The following XRCC4 variants were observed in gnomAD, a reference collection of about 807,000 sequenced individuals.
XRCC4 encodes the protein DNA repair protein XRCC4.
In XRCC4, 28 loss-of-function variants were observed where a neutral mutation model predicts 39.1. That is an observed-to-expected ratio of 0.72 (90% CI 0.53 to 0.98). The LOEUF is 0.98. XRCC4 is among the 50% of genes least tolerant of loss of function. XRCC4 has a pLI of 0.00. For missense variants in XRCC4, 350 were observed against 376.4 expected (o/e 0.93, Z 0.58); for synonymous variants, 123 against 126.4 (o/e 0.97, Z 0.18).
rs534630077 is a variant in XRCC4 at position 83,137,545 on chromosome 5, C to T, written c.315+26342C>T. On this transcript the variant is annotated intron_variant, in intron 3 of 7. Coordinates refer to ENST00000396027, the MANE Select transcript of XRCC4 (RefSeq NM_003401.5). The stretch of plus-strand genomic sequence containing the variant: ...AGAATCATATTGTGCATCTGTAACC[C>T]GTTCTTGGCATGTTATTGTCCACTG... 3.9e-5 allele frequency among the ~76,000 whole-genome samples: 6 copies of T among 152,206 alleles called. No homozygotes were observed. The East Asian group carries it at 9.6e-4, about 24-fold the overall frequency.
chr5:83,271,422 G>T (rs1754142029), intron 7 of XRCC4, among the ~76,000 whole-genome samples: 1 of 151,860 alleles, frequency 6.6e-6, no homozygotes, highest in Non-Finnish European at 1.5e-5. Flanking sequence ...GTTTTATTTT[G>T]TCTACTTGTT....
intron 3 of XRCC4, among the ~76,000 whole-genome samples, chr5:83,162,198 T>A (rs1749249941): frequency 6.6e-6 from 1 of 152,114 alleles, no homozygotes; most frequent in Non-Finnish European, 1.5e-5. Flanking sequence ...TTTTAAAAAA[T>A]AAAATAAAAT....
intron 7 of XRCC4, among the ~76,000 whole-genome samples, chr5:83,342,767 G>A (rs570954551): frequency 1.3e-5 from 2 of 152,098 alleles, no homozygotes; most frequent in South Asian, 4.2e-4. Context: ...GAAATTTGTA[G>A]GCTACTTTTC....
chr5:83,307,208 A>C (rs1423556968), intron 7 of XRCC4, among the ~76,000 whole-genome samples: 2 of 152,240 alleles, frequency 1.3e-5, no homozygotes, highest in Non-Finnish European at 2.9e-5. Flanking sequence ...TTATTAATTC[A>C]AACTAGTAAT....
rs28383122 is a variant in XRCC4, at chr5:83,078,158, C to T, written c.-11+543C>T. 5.2e-3 allele frequency among the ~76,000 whole-genome samples: 797 copies of T among 152,310 alleles called. 8 individuals carry two copies. Among genetic ancestry groups the T allele is most frequent in the African/African-American group, 0.018 (746 of 41,574 alleles). On this transcript the variant is annotated intron_variant, in intron 1 of 7. Transcript: ENST00000396027. ...TAGGTACTTTAAAGAGATCAACTGG[C>T]AAGACAAATGACAAGGCAACTTTTA... is the stretch of plus-strand genomic sequence containing the variant.
intron 7 of XRCC4, among the ~76,000 whole-genome samples, chr5:83,335,481 T>A (rs1342641710): frequency 2.0e-5 from 3 of 152,018 alleles, no homozygotes; most frequent in Non-Finnish European, 4.4e-5. Context: ...AGAGAAGATG[T>A]GTTCCTGTCA....
chr5:83,266,155 T>C (rs1355284918), intron 7 of XRCC4, among the ~76,000 whole-genome samples: 1 of 151,802 alleles, frequency 6.6e-6, no homozygotes, highest in Non-Finnish European at 1.5e-5. Context: ...TGTGTAAATA[T>C]TCACTATACA....
intron 7 of XRCC4, among the ~76,000 whole-genome samples, chr5:83,299,356 C>T (rs538430758): frequency 2.2e-4 from 33 of 152,046 alleles, no homozygotes; most frequent in East Asian, 5.8e-4. Flanking sequence ...TCTGAAGCTT[C>T]GACATGATAC....
intron 7 of XRCC4, among the ~76,000 whole-genome samples, chr5:83,290,281 T>A (rs1754875166): frequency 1.3e-5 from 2 of 151,806 alleles, no homozygotes; most frequent in Admixed American, 1.3e-4. Flanking sequence ...AATAAATTTA[T>A]TTAATCCATA....
chr5:83,255,421 TTTTCTTCA>T (rs1753501252), intron 6 of XRCC4, among the ~76,000 whole-genome samples: 1 of 152,192 alleles, frequency 6.6e-6, no homozygotes, highest in Non-Finnish European at 1.5e-5. Flanking sequence ...AGCTAGCCCT[TTTTCTTCA>T]TGCCAATTTT....
At chr5:83,363,873 C>T in the XRCC4 span, among the ~76,000 whole-genome samples, 1 of 152,164 alleles carries the variant, frequency 6.6e-6, no homozygotes, top group African/African-American at 2.4e-5. Flanking sequence ...TAATTGCTGT[C>T]ACTGTCGTCA....
chr5:83,209,534 A>G (rs1246340943), intron 6 of XRCC4, among the ~76,000 whole-genome samples: 1 of 152,126 alleles, frequency 6.6e-6, no homozygotes, highest in Non-Finnish European at 1.5e-5. Context: ...TAGTCTTAAC[A>G]TAATTCAAAA....
chr5:83,285,423 A>G (rs868364384), intron 7 of XRCC4, among the ~76,000 whole-genome samples: 2 of 152,138 alleles, frequency 1.3e-5, no homozygotes, highest in South Asian at 4.1e-4. Context: ...CAGGTAGACT[A>G]TGAGAGTTAC....
intron 3 of XRCC4, among the ~76,000 whole-genome samples, chr5:83,120,335 TACAA>T (rs1271368098): frequency 6.6e-6 from 1 of 152,182 alleles, no homozygotes; most frequent in Non-Finnish European, 1.5e-5. Flanking sequence ...AGGGATAATT[TACAA>T]ACAATTAAAT....
intron 7 of XRCC4, among the ~76,000 whole-genome samples, chr5:83,268,095 T>C (rs1449316842): frequency 6.6e-6 from 1 of 152,066 alleles, no homozygotes; most frequent in East Asian, 1.9e-4. Context: ...GCAGTGAAGA[T>C]AGGAAGATAC....
intron 6 of XRCC4, among the ~76,000 whole-genome samples, chr5:83,222,074 A>G (rs547009837): frequency 2.0e-5 from 3 of 151,462 alleles, no homozygotes; most frequent in South Asian, 4.2e-4. Context: ...TATATCTGAG[A>G]TCGGTCTTTG....
At chr5:83,196,109 C>T (rs894604548) in intron 4 of XRCC4, among the ~76,000 whole-genome samples, 173 bp downstream of exon 4, 2 of 151,926 alleles carry the variant, frequency 1.3e-5, no homozygotes, top group African/African-American at 2.4e-5. Flanking sequence ...TATAGGAATA[C>T]ATTAATACAT....
At chr5:83,273,858 C>G (rs980529086) in intron 7 of XRCC4, among the ~76,000 whole-genome samples, 1 of 151,676 alleles carries the variant, frequency 6.6e-6, no homozygotes, top group Non-Finnish European at 1.5e-5. Context: ...CATGGTGCCA[C>G]TAGCCTTGTT....
chr5:83,229,681 T>G (rs1236100540), intron 6 of XRCC4, among the ~76,000 whole-genome samples: 1 of 146,472 alleles, frequency 6.8e-6, no homozygotes, highest in Non-Finnish European at 1.5e-5. Context: ...TTTTTTTTTT[T>G]GCTAAAGATG....
Sources: gnomAD v4.1 joint callset for allele counts (sites outside exome capture counted in the v4.1 genomes callset) on GRCh38, gnomAD v4.1.1 for gene constraint, MANE v1.5 for transcripts, NCBI Gene and HGNC (gene_info 2026-07-23, HGNC 2026-07-21) for gene names.